Variants in RAB28 observed in about 807,000 individuals in gnomAD.
RAB28 encodes the protein ras-related protein Rab-28.
Under a neutral mutation model 31.7 loss-of-function variants are expected in RAB28, and 24 were observed. That is an observed-to-expected ratio of 0.76 (90% CI 0.55 to 1.06). The LOEUF (loss-of-function observed/expected upper bound fraction) is 1.06. RAB28 is among the 50% of genes least tolerant of loss of function. The pLI, the probability that RAB28 is intolerant of heterozygous loss-of-function variation, is 0.00. For missense variants in RAB28, 254 were observed against 258.5 expected (o/e 0.98, Z 0.12); for synonymous variants, 100 against 90.4 (o/e 1.11, Z -0.60).
At chr4:13,417,051 A>C (rs139596076) in intron 4 of RAB28, among the ~76,000 whole-genome samples, 1,809 of 152,348 alleles carry the variant, frequency 0.012, 39 homozygotes, top group African/African-American at 0.041. Context: ...CGCTTTTCCA[A>C]TGGTCTTAGC....
chr4:13,480,242 T>A (rs984485002), intron 1 of RAB28, among the ~76,000 whole-genome samples: 1 of 151,774 alleles, frequency 6.6e-6, no homozygotes, highest in Non-Finnish European at 1.5e-5. Flanking sequence ...TCAAAAACTC[T>A]GGAGTTTTCT....
intron 4 of RAB28, among the ~76,000 whole-genome samples, chr4:13,441,339 T>A (rs548557667): frequency 6.6e-6 from 1 of 152,186 alleles, no homozygotes; most frequent in Non-Finnish European, 1.5e-5. Flanking sequence ...TTTAGCCTAA[T>A]TAATTACCTA....
chr4:13,466,848 C>A (rs1192218838), intron 3 of RAB28, among the ~76,000 whole-genome samples: 1 of 151,442 alleles, frequency 6.6e-6, no homozygotes, highest in East Asian at 1.9e-4. Flanking sequence ...TACCATAAAC[C>A]TAAAAAAAGG....
chr4:13,399,126 T>C (rs1337787581), intron 4 of RAB28, among the ~76,000 whole-genome samples: 2 of 152,262 alleles, frequency 1.3e-5, no homozygotes, highest in East Asian at 1.9e-4. Flanking sequence ...ATCTAGTAAG[T>C]AGTGGAGCCA....
intron 6 of RAB28, chr4:13,370,590 T>C: frequency 1.0e-6 from 1 of 972,896 alleles, no homozygotes; most frequent in Non-Finnish European, 1.2e-6. Context: ...TCTTTGAAGG[T>C]GGGGAGAGGA....
chr4:13,457,415 A>G (rs1415323114), intron 4 of RAB28, among the ~76,000 whole-genome samples: 2 of 152,150 alleles, frequency 1.3e-5, no homozygotes, highest in African/African-American at 2.4e-5. Flanking sequence ...CTTTCATTAC[A>G]TGATCACATG....
At chr4:13,382,661 C>T (rs1483266431) in intron 4 of RAB28, among the ~76,000 whole-genome samples, 5 of 150,728 alleles carry the variant, frequency 3.3e-5, no homozygotes, top group Non-Finnish European at 7.4e-5. Context: ...TTCCTGAGCC[C>T]CATTTATATT....
chr4:13,400,115 C>T (rs1399353883), intron 4 of RAB28, among the ~76,000 whole-genome samples: 1 of 152,078 alleles, frequency 6.6e-6, no homozygotes, highest in East Asian at 1.9e-4. Context: ...ATTAAGCATT[C>T]TCTTCTTTCT....
intron 1 of RAB28, among the ~76,000 whole-genome samples, 156 bp downstream of exon 1, chr4:13,483,920 C>G (rs1716740043): frequency 6.6e-6 from 1 of 152,186 alleles, no homozygotes; most frequent in South Asian, 2.1e-4. Context: ...ACCAAGCGCC[C>G]ACTTCGTGTC....
At chr4:13,484,026 C>T in intron 1 of RAB28, 50 bp downstream of exon 1, 2 of 1,520,368 alleles carry the variant, frequency 1.3e-6, no homozygotes, top group South Asian at 2.4e-5. Flanking sequence ...AGGCCGGGGA[C>T]CGCCGGGGTT....
At chr4:13,381,455 G>C in intron 5 of RAB28, 36 bp downstream of exon 5, 1 of 1,434,954 alleles carries the variant, frequency 7.0e-7, no homozygotes, top group African/African-American at 1.4e-5. Context: ...TAAATAAAAG[G>C]AAAACATCAC....
intron 1 of RAB28, 133 bp downstream of exon 1, chr4:13,483,941 CCA>C: frequency 1.3e-6 from 1 of 779,166 alleles, no homozygotes; most frequent in Non-Finnish European, 2.1e-6. Flanking sequence ...CGGCCTCAGG[CCA>C]CACAACCAGA....
At chr4:13,458,058 T>C (rs1560140199) in intron 4 of RAB28, among the ~76,000 whole-genome samples, 1 of 152,116 alleles carries the variant, frequency 6.6e-6, no homozygotes, top group Admixed American at 6.5e-5. Flanking sequence ...CATCAAAACA[T>C]GATTTGTCAA....
intron 4 of RAB28, among the ~76,000 whole-genome samples, chr4:13,417,850 G>C (rs1260700170): frequency 6.6e-6 from 1 of 152,184 alleles, no homozygotes; most frequent in Non-Finnish European, 1.5e-5. Flanking sequence ...CTCCTGCAAA[G>C]GATTGCAGCT....
intron 4 of RAB28, among the ~76,000 whole-genome samples, chr4:13,404,277 C>T (rs998479427): frequency 6.6e-6 from 1 of 152,072 alleles, no homozygotes; most frequent in Non-Finnish European, 1.5e-5. Flanking sequence ...ACTTGGGAGG[C>T]TGAGGCAGGA....
At chr4:13,387,853 T>G (rs138652022) in intron 4 of RAB28, among the ~76,000 whole-genome samples, 3 of 152,182 alleles carry the variant, frequency 2.0e-5, no homozygotes, top group African/African-American at 7.2e-5. Flanking sequence ...AAAGTATATG[T>G]GCTTCTAAAG....
At chr4:13,379,598 G>A (rs1385731462) in intron 5 of RAB28, among the ~76,000 whole-genome samples, 1 of 152,100 alleles carries the variant, frequency 6.6e-6, no homozygotes, top group Admixed American at 6.5e-5. Context: ...GTCTTGCTAG[G>A]GTTGAGAATG....
At chr4:13,392,479 C>A (rs1238070256) in intron 4 of RAB28, among the ~76,000 whole-genome samples, 2 of 152,094 alleles carry the variant, frequency 1.3e-5, no homozygotes, top group Non-Finnish European at 2.9e-5. Context: ...AAGGTAAATA[C>A]AGAAGAAACT....
intron 4 of RAB28, among the ~76,000 whole-genome samples, chr4:13,404,156 A>T (rs1450357419): frequency 1.3e-5 from 2 of 152,204 alleles, no homozygotes; most frequent in East Asian, 3.9e-4. Flanking sequence ...AGGCGGGAGG[A>T]TCACCTGAGG....
Sources: gnomAD v4.1 joint callset for allele counts (sites outside exome capture counted in the v4.1 genomes callset) on GRCh38, gnomAD v4.1.1 for gene constraint, MANE v1.5 for transcripts, NCBI Gene and HGNC (gene_info 2026-07-23, HGNC 2026-07-21) for gene names.